CEP250: variants seen among roughly 807,000 people sequenced by gnomAD.
The protein encoded by CEP250 is centrosome-associated protein CEP250.
CEP250 carries 242 observed loss-of-function variants against 315.7 expected under a neutral mutation model. The ratio of observed to expected loss-of-function variants is 0.77; its 90% confidence interval spans 0.69 to 0.85. The LOEUF is 0.85. CEP250 is among the 40% of genes least tolerant of loss of function. The probability of loss-of-function intolerance (pLI) is 0.00; values close to 1 mark genes in which losing one functional copy is unlikely to be tolerated. For missense variants in CEP250, 2,515 were observed against 2,886.4 expected (o/e 0.87, Z 2.95); for synonymous variants, 1,088 against 1,175.0 (o/e 0.93, Z 1.51).
chr20:35,472,698 T>G lies in CEP250; in HGVS notation c.1076T>G (p.Ile359Arg), dbSNP rs768133458. 6 of 1,614,168 alleles carry G rather than the reference T, an allele frequency of 3.7e-6. No homozygotes were observed. Among genetic ancestry groups the G allele is most frequent in the Admixed American group, 1.7e-5 (1 of 60,020 alleles). ...GTCATGGTGGAAGAAGGGGACAATA[T>G]AGCCCAAGGCTCTGGTCATGAGAAC... ...TQVMVEEGDNIAQGSGHENSL... is the reference protein window; with the variant it reads ...TQVMVEEGDNRAQGSGHENSL... The change falls in exon 12 of 35, where the codon ATA becomes AGA. Residue 359 changes from isoleucine to arginine, a missense_variant. Coordinates refer to ENST00000397527, the MANE Select transcript of CEP250 (RefSeq NM_007186.6).
chr20:35,456,093 C>T (rs1006842827), intron 1 of CEP250, among the ~76,000 whole-genome samples: 5 of 152,200 alleles, frequency 3.3e-5, no homozygotes, highest in African/African-American at 1.2e-4. Flanking sequence ...CGGGGTTTCT[C>T]CATGTTGGTC....
intron 10 of CEP250, among the ~76,000 whole-genome samples, chr20:35,471,469 G>A (rs2063022952): frequency 1.3e-5 from 2 of 152,086 alleles, no homozygotes; most frequent in Admixed American, 6.6e-5. Flanking sequence ...TTCAAATTTT[G>A]TATAAGCCAA....
At chr20:35,473,106 G>A (rs183558772) in intron 12 of CEP250, among the ~76,000 whole-genome samples, 75 of 152,160 alleles carry the variant, frequency 4.9e-4, no homozygotes, top group Middle Eastern at 3.4e-3. Context: ...AGATTATTGG[G>A]TCAACGTTCT....
At chr20:35,473,070 C>A (rs929743956) in intron 12 of CEP250, among the ~76,000 whole-genome samples, 3 of 152,106 alleles carry the variant, frequency 2.0e-5, no homozygotes, top group African/African-American at 7.2e-5. Context: ...TAACAGTATG[C>A]AAAGATTGGG....
intron 1 of CEP250, 70 bp downstream of exon 1, chr20:35,455,821 A>G (rs2062607013): frequency 6.6e-6 from 1 of 152,258 alleles, no homozygotes; most frequent in Admixed American, 6.5e-5. Context: ...GCACGTGATG[A>G]TAATAGTCAT....
intron 18 of CEP250, 24 bp downstream of exon 18, chr20:35,479,448 C>G: frequency 6.2e-7 from 1 of 1,600,940 alleles, no homozygotes; most frequent in Non-Finnish European, 8.5e-7. Flanking sequence ...TCAGTTCAGC[C>G]AAGCACAGAG....
chr20:35,475,653 G>T lies in CEP250; in HGVS notation c.1716+7G>T, dbSNP rs962021647. ...GACCGCAGCGCTGGCTAGGGTGCGTGGCCTCCTCTCCTCACTTGCTGGGTG... is the reference window on the plus strand; with the variant it reads ...GACCGCAGCGCTGGCTAGGGTGCGTTGCCTCCTCTCCTCACTTGCTGGGTG... On this transcript the variant is annotated splice_region_variant and intron_variant, in intron 15 of 34. Coordinates refer to ENST00000397527, the MANE Select transcript of CEP250 (RefSeq NM_007186.6). The T allele has an allele frequency of 1.2e-6, 2 of 1,612,662 alleles. No individual in the cohort carries two copies. Among genetic ancestry groups the T allele is most frequent in the Non-Finnish European group, 8.5e-7 (1 of 1,179,808 alleles).
intron 20 of CEP250, among the ~76,000 whole-genome samples, chr20:35,483,621 C>T (rs1272901023): frequency 6.6e-6 from 1 of 151,766 alleles, no homozygotes; most frequent in Non-Finnish European, 1.5e-5. Context: ...CCTCTTGCCT[C>T]AGCCTCCCAC....
At position 35,462,511 on chromosome 20, in the gene CEP250, C is replaced by G. The variant is rs1427424862; in HGVS notation, c.144C>G (p.Ala48=). The G allele has an allele frequency of 6.2e-7, 1 of 1,609,494 alleles. No individual in the cohort carries two copies. Among genetic ancestry groups the G allele is most frequent in the Non-Finnish European group, 8.5e-7 (1 of 1,178,004 alleles). ...SWRKLKNSQE[A]QQRQATLVRK... ...GGAAGCTGAAGAACTCCCAGGAGGC[C>G]CAGCAGAGACAAGCAACCCTTGTGA... The change falls in exon 4 of 35, where the codon GCC becomes GCG. Residue 48 remains alanine (A), a synonymous_variant. Transcript: ENST00000397527.
intron 3 of CEP250, 25 bp downstream of exon 3, chr20:35,460,130 A>C (rs566995014): frequency 6.6e-6 from 1 of 152,330 alleles, no homozygotes; most frequent in South Asian, 2.1e-4. Flanking sequence ...CAGCCTTGGC[A>C]AAAAGGCTGA....
At chr20:35,511,304 T>C in intron 34 of CEP250, 59 bp from the exon 35 acceptor site, 3 of 1,438,026 alleles carry the variant, frequency 2.1e-6, no homozygotes, top group Non-Finnish European at 1.9e-6. Flanking sequence ...CAGGAAGAGC[T>C]GGGACAACTT....
At chr20:35,479,856 C>A in intron 19 of CEP250, 83 bp downstream of exon 19, 1 of 1,602,202 alleles carries the variant, frequency 6.2e-7, no homozygotes. Flanking sequence ...TATTAGAGGT[C>A]CTTCTCCAGC....
rs1253621669 is a variant in CEP250, at chr20:35,457,528, A to AT, written c.-297-763dup. 1.9e-3 allele frequency among the ~76,000 whole-genome samples: 274 copies of AT among 146,338 alleles called. 1 individual carries two copies. Among genetic ancestry groups the AT allele is most frequent in the Non-Finnish European group, 2.3e-3 (153 of 65,986 alleles). ...ACAGGTGAATGCCACACAGCCAGCA[A>AT]TTTTTTTTTTTTTAATAGAGATGGG... On this transcript the variant is annotated intron_variant, in intron 1 of 34. Transcript: ENST00000397527.
At position 35,476,614 on chromosome 20, in the gene CEP250, G is replaced by A; in HGVS notation, c.1863+19G>A. The A allele has an allele frequency of 1.2e-6, 2 of 1,607,930 alleles. No individual in the cohort carries two copies. The highest frequency in any genetic ancestry group is 1.7e-6 in the Non-Finnish European group (2 of 1,174,836). ...TCTCCAGGTGAGCAAAGATTTTCCT[G>A]GTCCCCACAGAAGGGCTGGGCCCTA... On this transcript the variant is annotated intron_variant, in intron 16 of 34. Coordinates refer to ENST00000397527, the MANE Select transcript of CEP250 (RefSeq NM_007186.6).
intron 20 of CEP250, among the ~76,000 whole-genome samples, chr20:35,485,890 G>C (rs2063499595): frequency 6.7e-6 from 1 of 148,232 alleles, no homozygotes; most frequent in South Asian, 2.1e-4. Flanking sequence ...TTGAACTCCT[G>C]GGCTCAGGTA....
At position 35,518,047 on chromosome 20, in the gene CEP250, A is replaced by AAC. The variant is rs1261149489; in HGVS notation, c.*6422_*6423insCA. ...TGGGCAACAGAGCAAGACTGTCTCA[A>AAC]AAAAAAAAAAAAAGGAAATTAAATA... On this transcript the variant is annotated 3_prime_UTR_variant, in exon 35 of 35. Transcript: ENST00000397527. 7.2e-6 allele frequency: 1 copy of AAC among 138,438 alleles called. No homozygotes were observed. Among genetic ancestry groups the AAC allele is most frequent in the African/African-American group, 2.5e-5 (1 of 39,408 alleles). 8.6% of individuals were successfully genotyped at this position (138,438 alleles called of 1,614,324 possible).
At chr20:35,505,561 G>A (rs2064161474) in intron 30 of CEP250, among the ~76,000 whole-genome samples, 1 of 150,956 alleles carries the variant, frequency 6.6e-6, no homozygotes, top group African/African-American at 2.4e-5. Flanking sequence ...TCTGAGGCAG[G>A]AGAATTGCTT....
chr20:35,470,437 G>A (rs1477252622), intron 10 of CEP250, among the ~76,000 whole-genome samples: 3 of 152,144 alleles, frequency 2.0e-5, no homozygotes, highest in African/African-American at 7.2e-5. Flanking sequence ...ATATCTGAAG[G>A]ACTGACGCTG....
rs764793542 is a variant in CEP250 at position 35,491,371 on chromosome 20, G to C, written c.2889+25G>C. The C allele has an allele frequency of 3.2e-6, 5 of 1,568,728 alleles. No individual in the cohort carries two copies. In the East Asian group the frequency reaches 9.5e-5, roughly 30 times the overall value. ...GGTATGGAGGGTGGTCTCGGGAGTA[G>C]GGGAGAAAGGGGCACTCATTTACCC... is the stretch of plus-strand genomic sequence containing the variant. On this transcript the variant is annotated intron_variant, in intron 22 of 34. Transcript: ENST00000397527.
Sources: allele counts gnomAD v4.1 joint callset (sites outside exome capture counted in the v4.1 genomes callset), GRCh38; gene constraint gnomAD v4.1.1; transcripts MANE v1.5; gene names NCBI Gene and HGNC (gene_info 2026-07-23, HGNC 2026-07-21).